The following GEMIN6 variants were observed in gnomAD, a reference collection of about 807,000 sequenced individuals.
GEMIN6 encodes gem nuclear organelle associated protein 6.
A neutral mutation model predicts 14.1 loss-of-function variants in GEMIN6; 13 were observed. The observed-to-expected ratio is 0.92, with a 90% CI of 0.60 to 1.46. The LOEUF is 1.46. Among genes scored for constraint, GEMIN6 ranks in the 40% most tolerant of loss-of-function variants. The probability of loss-of-function intolerance (pLI) is 0.00; values close to 1 mark genes in which losing one functional copy is unlikely to be tolerated. For missense variants in GEMIN6, 271 were observed against 202.4 expected, an observed-to-expected ratio of 1.34 and a Z score of -2.06; for synonymous variants, 87 against 70.0, an observed-to-expected ratio of 1.24 and a Z score of -1.21.
chr2:38,782,123 A>G lies in GEMIN6; in HGVS notation c.*231A>G. The G allele has an allele frequency of 4.4e-6, 2 of 454,240 alleles. No individual in the cohort carries two copies. 28.1% of individuals were successfully genotyped at this position (454,240 alleles called of 1,614,324 possible). On this transcript the variant is annotated 3_prime_UTR_variant, in exon 3 of 3. Transcript: ENST00000281950. ...ATAAAATTAGCACAGGGACATCAGA[A>G]TTGTATGGGTCTTCTTTTTTCTTTT...
chr2:38,779,113 T>C lies in GEMIN6; in HGVS notation c.123T>C (p.Ser41=), dbSNP rs771676634. 1.9e-6 allele frequency: 3 copies of C among 1,612,120 alleles called. No homozygotes were observed. The highest frequency in any genetic ancestry group is 8.5e-7 in the Non-Finnish European group (1 of 1,179,168). ...GGGTTTTAACTACAGACCCAGTCTC[T>C]GCCAAGTGAGTATGCATCCTACTTG... ...KGWVLTTDPV[S]ANIVLVNFLE... Residue 41 remains serine, a synonymous_variant, in exon 2 of 3, where the codon TCT becomes TCC. Coordinates refer to ENST00000281950, the MANE Select transcript of GEMIN6 (RefSeq NM_024775.10).
intron 2 of GEMIN6, among the ~76,000 whole-genome samples, chr2:38,781,168 A>T (rs928333642): frequency 6.6e-6 from 1 of 151,180 alleles, no homozygotes; most frequent in Admixed American, 6.6e-5. Flanking sequence ...GGGTTTCACC[A>T]TCTTGGCCAG....
intron 2 of GEMIN6, chr2:38,779,520 G>A (rs1669026882): frequency 4.9e-6 from 1 of 204,686 alleles, no homozygotes; most frequent in Non-Finnish European, 1.0e-5. Context: ...CTGAGTCACT[G>A]TACCCGGCCT....
Position 38,783,258 on chromosome 2 carries a change from G to T in GEMIN6, c.*1366G>T, listed in dbSNP as rs1669129899. 1.3e-5 allele frequency: 2 copies of T among 152,752 alleles called. No individual in the cohort carries two copies. The allele number at this position is 152,752 out of a possible 1,614,324, so 9.5% of individuals were successfully genotyped here. On this transcript the variant is annotated 3_prime_UTR_variant, in exon 3 of 3. Transcript: ENST00000281950. Reference sequence around the variant, plus strand: ...GCTGGAGTGCAGTGGCACAATCTCGGCTCACTGCAACCTCTGCCTCCTGAG... The same window carrying T: ...GCTGGAGTGCAGTGGCACAATCTCGTCTCACTGCAACCTCTGCCTCCTGAG...
Position 38,781,899 on chromosome 2 carries a change from A to G in GEMIN6, c.*7A>G. The G allele has an allele frequency of 1.9e-6, 3 of 1,595,420 alleles. No individual in the cohort carries two copies. The South Asian group carries it at 3.4e-5, about 18-fold the overall frequency. On this transcript the variant is annotated 3_prime_UTR_variant, in exon 3 of 3. Transcript: ENST00000281950. ...TCTTACAGCTTCCCAATGAGAGGCCAGGAAGTGTGAACATACTGATAGAAA... is the reference window on the plus strand; with the variant it reads ...TCTTACAGCTTCCCAATGAGAGGCCGGGAAGTGTGAACATACTGATAGAAA...
Position 38,784,741 on chromosome 2 carries a change from G to C in GEMIN6, c.*2849G>C, listed in dbSNP as rs1316139160. The C allele has an allele frequency of 1.3e-5, 2 of 152,196 alleles. No individual in the cohort carries two copies. The highest frequency in any genetic ancestry group is 4.8e-5 in the African/African-American group (2 of 41,456). 9.4% of individuals were successfully genotyped at this position (152,196 alleles called of 1,614,324 possible). On this transcript the variant is annotated 3_prime_UTR_variant, in exon 3 of 3. Coordinates refer to ENST00000281950, the MANE Select transcript of GEMIN6 (RefSeq NM_024775.10). ...AAAACCTGAGTGCTTGAAAGGGTAA[G>C]TGATCCTGATCTGCCATAGAAACCT...
chr2:38,780,912 A>G (rs1669067301), intron 2 of GEMIN6, among the ~76,000 whole-genome samples: 1 of 151,506 alleles, frequency 6.6e-6, no homozygotes, highest in Non-Finnish European at 1.5e-5. Flanking sequence ...TACAGGCGTG[A>G]GCCACCATGC....
chr2:38,778,646 G>A (rs1237833719), intron 1 of GEMIN6, among the ~76,000 whole-genome samples: 1 of 152,146 alleles, frequency 6.6e-6, no homozygotes, highest in Non-Finnish European at 1.5e-5. Flanking sequence ...TGTGGTTGTG[G>A]ATCGGAATAG....
In GEMIN6 at chr2:38,781,643, G is replaced by A; in HGVS notation, c.255G>A (p.Leu85=). ...DHRVREKLMH[L]FTSGDCKAYS... Reference sequence around the variant, plus strand: ...GAGTGAGGGAGAAGCTGATGCATTTGTTCACGTCTGGAGACTGCAAAGCAT... The same window carrying A: ...GAGTGAGGGAGAAGCTGATGCATTTATTCACGTCTGGAGACTGCAAAGCAT... Residue 85 remains leucine (L), a synonymous_variant, in exon 3 of 3, where the codon TTG becomes TTA. Transcript: ENST00000281950. The A allele has an allele frequency of 1.2e-6, 2 of 1,614,200 alleles. No individual in the cohort carries two copies. The highest frequency in any genetic ancestry group is 8.5e-7 in the Non-Finnish European group (1 of 1,180,026).
intron 2 of GEMIN6, 153 bp downstream of exon 2, chr2:38,779,271 C>G (rs954347988): frequency 2.5e-6 from 2 of 785,452 alleles, no homozygotes; most frequent in African/African-American, 3.6e-5. Flanking sequence ...TCTACTGTCA[C>G]CCAGGCTGGA....
At chr2:38,781,286 A>T (rs1374461927) in intron 2 of GEMIN6, among the ~76,000 whole-genome samples, 1 of 152,162 alleles carries the variant, frequency 6.6e-6, no homozygotes, top group Admixed American at 6.6e-5. Flanking sequence ...TTCTTTTCTA[A>T]TACACATTTA....
intron 2 of GEMIN6, among the ~76,000 whole-genome samples, chr2:38,779,680 T>A (rs1373146472): frequency 1.5e-3 from 157 of 103,342 alleles, no homozygotes; most frequent in African/African-American, 6.0e-3. Context: ...TTTTTTTTTT[T>A]TTTTTTTTTT....
At chr2:38,781,164 C>T (rs1376151578) in intron 2 of GEMIN6, among the ~76,000 whole-genome samples, 1 of 151,722 alleles carries the variant, frequency 6.6e-6, no homozygotes, top group African/African-American at 2.4e-5. Context: ...GATTGGGTTT[C>T]ACCATCTTGG....
chr2:38,779,610 G>A (rs1314259676), intron 2 of GEMIN6, among the ~76,000 whole-genome samples: 2 of 115,820 alleles, frequency 1.7e-5, no homozygotes, highest in African/African-American at 6.7e-5. Context: ...CAACTTCATA[G>A]AAATTGGGCA....
rs1669165929 is a variant in GEMIN6, at chr2:38,784,737, G to C, written c.*2845G>C. 6.6e-6 allele frequency: 1 copy of C among 152,188 alleles called. No individual in the cohort carries two copies. Among genetic ancestry groups the C allele is most frequent in the African/African-American group, 2.4e-5 (1 of 41,450 alleles). The allele number at this position is 152,188 out of a possible 1,614,324, so 9.4% of individuals were successfully genotyped here. Reference sequence around the variant, plus strand: ...AAACAAAACCTGAGTGCTTGAAAGGGTAAGTGATCCTGATCTGCCATAGAA... The same window carrying C: ...AAACAAAACCTGAGTGCTTGAAAGGCTAAGTGATCCTGATCTGCCATAGAA... On this transcript the variant is annotated 3_prime_UTR_variant, in exon 3 of 3. Coordinates refer to ENST00000281950, the MANE Select transcript of GEMIN6 (RefSeq NM_024775.10).
chr2:38,781,148 A>G (rs1299169056), intron 2 of GEMIN6, among the ~76,000 whole-genome samples: 2 of 151,196 alleles, frequency 1.3e-5, no homozygotes, highest in African/African-American at 2.4e-5. Flanking sequence ...TTGTATTTTT[A>G]GTAGGGATTG....
intron 2 of GEMIN6, among the ~76,000 whole-genome samples, chr2:38,779,662 ATATTTTTTTTTTTTT>A (rs1389749999): frequency 3.7e-5 from 1 of 26,750 alleles, no homozygotes; most frequent in African/African-American, 1.3e-4. Flanking sequence ...ATATATATAT[ATATTTTTTTTTTTTT>A]TTTTTTTTTT....
At chr2:38,779,265 C>A in intron 2 of GEMIN6, 147 bp downstream of exon 2, 2 of 820,352 alleles carry the variant, frequency 2.4e-6, no homozygotes, top group Non-Finnish European at 3.8e-6. Flanking sequence ...CAGGGTTCTA[C>A]TGTCACCCAG....
chr2:38,781,616 T>C lies in GEMIN6; in HGVS notation c.228T>C (p.His76=), dbSNP rs771160239. The C allele has an allele frequency of 7.4e-6, 12 of 1,613,998 alleles. No homozygotes were observed. The highest frequency in any genetic ancestry group is 1.0e-5 in the Non-Finnish European group (12 of 1,180,010). The part of the protein sequence containing the change: ...QTVETMNEGD[H]RVREKLMHLF... Reference sequence around the variant, plus strand: ...TTGAAACTATGAATGAAGGGGACCATAGAGTGAGGGAGAAGCTGATGCATT... The same window carrying C: ...TTGAAACTATGAATGAAGGGGACCACAGAGTGAGGGAGAAGCTGATGCATT... Residue 76 remains histidine, a synonymous_variant, in exon 3 of 3, where the codon CAT becomes CAC. Coordinates refer to ENST00000281950, the MANE Select transcript of GEMIN6 (RefSeq NM_024775.10).
Sources: allele counts gnomAD v4.1 joint callset (sites outside exome capture counted in the v4.1 genomes callset), GRCh38; gene constraint gnomAD v4.1.1; transcripts MANE v1.5; gene names NCBI Gene and HGNC (gene_info 2026-07-23, HGNC 2026-07-21).